The following KAZN variants were observed in gnomAD, a reference collection of about 807,000 sequenced individuals.
The protein encoded by KAZN is kazrin.
Under a neutral mutation model 87.4 loss-of-function variants are expected in KAZN, and 40 were observed. The ratio of observed to expected loss-of-function variants is 0.46; its 90% CI spans 0.36 to 0.60. KAZN has a LOEUF of 0.60. KAZN is among the 20% of genes least tolerant of loss of function. KAZN has a pLI of 0.00. For synonymous variants in KAZN, 466 were observed against 458.3 expected, an observed-to-expected ratio of 1.02 and a Z score of -0.22; for missense variants, 898 against 1,073.9, an observed-to-expected ratio of 0.84 and a Z score of 2.29.
intron 4 of KAZN, among the ~76,000 whole-genome samples, chr1:15,047,123 G>C (rs1388662025): frequency 6.6e-6 from 1 of 152,216 alleles, no homozygotes; most frequent in Non-Finnish European, 1.5e-5. Flanking sequence ...AGGTTGATTG[G>C]TTTATGTTCA....
chr1:14,116,422 C>T (rs116376930), intron 1 of KAZN, among the ~76,000 whole-genome samples: 3,881 of 152,296 alleles, frequency 0.025, 78 homozygotes, highest in Middle Eastern at 0.089. Context: ...TCAGAGGGTG[C>T]AAGCCTCAAG....
chr1:14,747,474 A>G (rs1364246879), intron 1 of KAZN, among the ~76,000 whole-genome samples: 2 of 152,080 alleles, frequency 1.3e-5, no homozygotes, highest in Non-Finnish European at 2.9e-5. Flanking sequence ...ACGGGGTTTC[A>G]CCATGTTGGC....
At chr1:14,358,391 G>A (rs1424713568) in intron 2 of KAZN, among the ~76,000 whole-genome samples, 1 of 150,200 alleles carries the variant, frequency 6.7e-6, no homozygotes, top group Non-Finnish European at 1.5e-5. Context: ...GATTCATTGA[G>A]TTTTTAAATG....
intron 2 of KAZN, among the ~76,000 whole-genome samples, chr1:14,254,205 C>G (rs772832984): frequency 6.6e-6 from 1 of 152,088 alleles, no homozygotes; most frequent in Non-Finnish European, 1.5e-5. Flanking sequence ...TTTCTTTTGG[C>G]TGGATAAGGG....
intron 1 of KAZN, among the ~76,000 whole-genome samples, chr1:14,797,548 C>T (rs1397094101): frequency 4.6e-5 from 7 of 152,092 alleles, no homozygotes; most frequent in African/African-American, 7.2e-5. Flanking sequence ...AGTTAAAAGG[C>T]GGAATGCAGA....
At position 13,902,017 on chromosome 1, in the gene KAZN, G is replaced by A. The variant is rs569433158; in HGVS notation, c.91+8261G>A. Among the ~76,000 whole-genome samples, 5 of 152,376 alleles carry A rather than the reference G, an allele frequency of 3.3e-5. No individual in the cohort carries two copies. In the South Asian group the frequency reaches 1.0e-3, roughly 32 times the overall value. The stretch of plus-strand genomic sequence containing the variant: ...TCAGTTTTGGACCCGAGATTATCCA[G>A]TGCAGAAAGGGAAGGCCTTAGCCGA... On this transcript the variant is annotated intron_variant, in intron 1 of 16. Coordinates refer to the KAZN transcript ENST00000636203.
chr1:14,425,434 C>T (rs940107302), intron 2 of KAZN, among the ~76,000 whole-genome samples: 1 of 152,182 alleles, frequency 6.6e-6, no homozygotes, highest in African/African-American at 2.4e-5. Context: ...TCTCATCCTG[C>T]AGAGTCCCAG....
chr1:14,995,965 C>A (rs1021188936), intron 2 of KAZN, among the ~76,000 whole-genome samples: 1 of 151,956 alleles, frequency 6.6e-6, no homozygotes, highest in Non-Finnish European at 1.5e-5. Context: ...GAAAATAAGC[C>A]GGTCCGGCCA....
At chr1:14,860,171 C>G (rs1253166582) in intron 1 of KAZN, among the ~76,000 whole-genome samples, 1 of 151,694 alleles carries the variant, frequency 6.6e-6, no homozygotes, top group Admixed American at 6.6e-5. Context: ...TCCTTTCTCT[C>G]TCTCTCTAGA....
chr1:14,977,225 T>G (rs1212284489), intron 2 of KAZN, among the ~76,000 whole-genome samples: 1 of 152,200 alleles, frequency 6.6e-6, no homozygotes, highest in Non-Finnish European at 1.5e-5. Context: ...TCTCTGTCCT[T>G]CAGCCACAGG....
chr1:14,213,709 T>G (rs1214477929), intron 2 of KAZN, among the ~76,000 whole-genome samples: 3 of 152,194 alleles, frequency 2.0e-5, no homozygotes, highest in Non-Finnish European at 4.4e-5. Context: ...GTGATTTGAC[T>G]TACTTTTAAA....
At chr1:14,176,449 C>T (rs1646077200) in intron 1 of KAZN, among the ~76,000 whole-genome samples, 1 of 152,186 alleles carries the variant, frequency 6.6e-6, no homozygotes, top group Non-Finnish European at 1.5e-5. Flanking sequence ...CCACAGCTGC[C>T]CAGGGCAGGG....
intron 1 of KAZN, among the ~76,000 whole-genome samples, chr1:14,076,995 G>A (rs1319548740): frequency 2.0e-5 from 3 of 152,138 alleles, no homozygotes; most frequent in Non-Finnish European, 4.4e-5. Flanking sequence ...ATTCATACAC[G>A]TCTAGGACTC....
intron 1 of KAZN, among the ~76,000 whole-genome samples, chr1:14,039,423 C>T (rs1641706096): frequency 6.6e-6 from 1 of 152,136 alleles, no homozygotes; most frequent in African/African-American, 2.4e-5. Flanking sequence ...TGCACTTTGT[C>T]ATTGTTATTA....
chr1:14,514,576 T>TTATAATATATGAAA (rs1671179028), intron 2 of KAZN, among the ~76,000 whole-genome samples: 3 of 123,628 alleles, frequency 2.4e-5, no homozygotes, highest in African/African-American at 6.1e-5. Flanking sequence ...TCTATATATT[T>TTATAATATATGAAA]TATATATTTT....
chr1:14,012,408 A>G (rs1478050050), intron 1 of KAZN, among the ~76,000 whole-genome samples: 1 of 152,254 alleles, frequency 6.6e-6, no homozygotes, highest in Non-Finnish European at 1.5e-5. Context: ...TGTCAACAAT[A>G]TCCAATTGCT....
intron 1 of KAZN, among the ~76,000 whole-genome samples, chr1:14,728,289 TAA>T (rs55745144): frequency 3.7e-4 from 11 of 29,828 alleles, no homozygotes; most frequent in Admixed American, 9.1e-4. Context: ...ACCGTATATA[TAA>T]AAAAAAAAAA....
chr1:14,795,633 C>T (rs1234296205), intron 1 of KAZN, among the ~76,000 whole-genome samples: 1 of 152,194 alleles, frequency 6.6e-6, no homozygotes, highest in Non-Finnish European at 1.5e-5. Flanking sequence ...CCCAACCTCG[C>T]TCCCACCTAC....
At chr1:14,255,077 G>A (rs375599100) in intron 2 of KAZN, among the ~76,000 whole-genome samples, 9 of 140,354 alleles carry the variant, frequency 6.4e-5, no homozygotes, top group South Asian at 2.3e-4. Context: ...CTGAGATTGC[G>A]CCACTGCACT....
Sources: gnomAD v4.1 joint callset for allele counts (sites outside exome capture counted in the v4.1 genomes callset) on GRCh38, gnomAD v4.1.1 for gene constraint, MANE v1.5 for transcripts, NCBI Gene and HGNC (gene_info 2026-07-23, HGNC 2026-07-21) for gene names.